Variants in KAZN observed in about 807,000 individuals in gnomAD.
The protein encoded by KAZN is kazrin.
A neutral mutation model predicts 87.4 loss-of-function variants in KAZN; 40 were observed. That is an observed-to-expected ratio of 0.46 (90% CI 0.36 to 0.60). KAZN has a LOEUF of 0.60. KAZN is among the 20% of genes least tolerant of loss of function. The pLI is 0.00. For synonymous variants in KAZN, 466 were observed against 458.3 expected (o/e 1.02, Z -0.22); for missense variants, 898 against 1,073.9 (o/e 0.84, Z 2.29).
intron 2 of KAZN, among the ~76,000 whole-genome samples, chr1:14,202,664 G>A (rs940885258): frequency 2.0e-5 from 3 of 152,162 alleles, no homozygotes; most frequent in African/African-American, 7.2e-5. Context: ...GTGTCAGAAA[G>A]GAGGCAGCTA....
chr1:14,388,087 T>C (rs1023729114), intron 2 of KAZN, among the ~76,000 whole-genome samples: 10 of 152,178 alleles, frequency 6.6e-5, no homozygotes, highest in Non-Finnish European at 1.3e-4. Flanking sequence ...CCAGGTGCCG[T>C]CTGTCACCCC....
chr1:14,099,762 G>A (rs75510121), intron 1 of KAZN, among the ~76,000 whole-genome samples: 13,622 of 152,120 alleles, frequency 0.09, 1,919 homozygotes, highest in African/African-American at 0.3. Flanking sequence ...GCCGCTTTCT[G>A]CTCTAAAAGT....
intron 4 of KAZN, among the ~76,000 whole-genome samples, chr1:15,046,212 C>T (rs569171935): frequency 1.1e-4 from 16 of 149,564 alleles, no homozygotes; most frequent in Admixed American, 4.0e-4. Context: ...ACAGGAGAAT[C>T]GTTTGAACCC....
chr1:15,063,825 G>A (rs1021778285), intron 7 of KAZN, among the ~76,000 whole-genome samples: 3 of 134,660 alleles, frequency 2.2e-5, no homozygotes, highest in African/African-American at 1.2e-4. Flanking sequence ...CATCCATGCC[G>A]CACACCCAAG....
Position 14,598,841 on chromosome 1 carries a change from G to T in KAZN, c.-157G>T. 7.1e-7 allele frequency: 1 copy of T among 1,404,816 alleles called. No individual in the cohort carries two copies. The highest frequency in any genetic ancestry group is 9.2e-7 in the Non-Finnish European group (1 of 1,086,036). The allele number at this position is 1,404,816 out of a possible 1,614,324, so 87.0% of individuals were successfully genotyped here. A position where few individuals can be genotyped will look rare whatever the true frequency, so the allele number is the denominator to read the frequency against. On this transcript the variant is annotated 5_prime_UTR_variant, in exon 1 of 15. Coordinates refer to ENST00000376030, the MANE Select transcript of KAZN (RefSeq NM_201628.3). This position sits in a 1 kb window ranked among gnomAD's most constrained non-coding sequence, Gnocchi z 4.2. ...GAGGCGCCGCTGTCATTCCTGTGCC[G>T]GAGGAACCGGCGCTGCCGGTGCCTG...
At chr1:15,088,516 G>A (rs931624703) in intron 8 of KAZN, among the ~76,000 whole-genome samples, 2 of 152,164 alleles carry the variant, frequency 1.3e-5, no homozygotes, top group African/African-American at 4.8e-5. Flanking sequence ...GACTCCACCA[G>A]GGACTCAGCC....
chr1:14,757,368 G>A (rs1330419605), intron 1 of KAZN, among the ~76,000 whole-genome samples: 4 of 152,150 alleles, frequency 2.6e-5, no homozygotes, highest in Non-Finnish European at 5.9e-5. Flanking sequence ...GAAACCGGAA[G>A]GAAAGATTGG....
intron 1 of KAZN, among the ~76,000 whole-genome samples, chr1:14,778,393 GAAA>G (rs34655175): frequency 7.3e-6 from 1 of 136,406 alleles, no homozygotes; most frequent in African/African-American, 2.7e-5. Context: ...TAACCCTTAA[GAAA>G]AAAAAAAAAA....
chr1:14,906,174 TATTATA>T (rs1485719740), intron 1 of KAZN, among the ~76,000 whole-genome samples: 13,442 of 143,528 alleles, frequency 0.094, 861 homozygotes, highest in Admixed American at 0.19. Context: ...TCAAAAAATA[TATTATA>T]ATAATAATAA....
At chr1:14,817,629 T>C (rs909295153) in intron 1 of KAZN, among the ~76,000 whole-genome samples, 5 of 152,124 alleles carry the variant, frequency 3.3e-5, no homozygotes, top group Admixed American at 1.3e-4. Flanking sequence ...CTGCATATGG[T>C]AGAAAATTTA....
rs1448785333 is a variant in KAZN at position 14,960,891 on chromosome 1, G to A, written c.418+16G>A. On this transcript the variant is annotated intron_variant, in intron 2 of 14. Coordinates refer to ENST00000376030, the MANE Select transcript of KAZN (RefSeq NM_201628.3). ...GCCTTGCAGGGTGAGTGACGAGTCA[G>A]CAGCAGTTCCTTCGCTGGGAGCTCA... 2 of 1,590,384 alleles carry A rather than the reference G, an allele frequency of 1.3e-6. No individual in the cohort carries two copies. Among genetic ancestry groups the A allele is most frequent in the African/African-American group, 1.3e-5 (1 of 74,258 alleles).
intron 1 of KAZN, among the ~76,000 whole-genome samples, chr1:14,792,326 C>T (rs1017467314): frequency 2.0e-5 from 3 of 152,148 alleles, no homozygotes; most frequent in Non-Finnish European, 2.9e-5. Flanking sequence ...TGCAAAAAAC[C>T]CAAATGTCCA....
chr1:14,581,466 T>C (rs1675543203), intron 2 of KAZN, among the ~76,000 whole-genome samples: 1 of 152,208 alleles, frequency 6.6e-6, no homozygotes, highest in Non-Finnish European at 1.5e-5. Flanking sequence ...CTGCTAGATA[T>C]GGCAACAGCT....
At chr1:15,048,975 A>G (rs559667919) in intron 4 of KAZN, among the ~76,000 whole-genome samples, 1 of 152,282 alleles carries the variant, frequency 6.6e-6, no homozygotes, top group East Asian at 1.9e-4. Flanking sequence ...GTCTAATTCC[A>G]GAACAGTTGC....
Position 14,622,925 on chromosome 1 carries a change from A to ATT in KAZN, c.226+23714_226+23715dup, listed in dbSNP as rs5772593. Among the ~76,000 whole-genome samples the ATT allele has an allele frequency of 5.1e-4, 76 of 148,394 alleles. No homozygotes were observed. In the South Asian group the frequency reaches 5.3e-3, roughly 10 times the overall value. On this transcript the variant is annotated intron_variant, in intron 1 of 14. Transcript: ENST00000376030. ...ACTTCTTTGGGTATCAGTGTTCTTA[A>ATT]TTTTTTTTTTTTTGAATTTAAAAGT...
intron 1 of KAZN, among the ~76,000 whole-genome samples, chr1:14,142,635 C>T (rs1645264655): frequency 6.6e-6 from 1 of 152,212 alleles, no homozygotes; most frequent in Non-Finnish European, 1.5e-5. Context: ...TAGCCTTCAG[C>T]ATTGGCTGTT....
At chr1:14,908,389 A>G (rs1656847310) in intron 1 of KAZN, among the ~76,000 whole-genome samples, 1 of 150,506 alleles carries the variant, frequency 6.6e-6, no homozygotes, top group Admixed American at 6.6e-5. Flanking sequence ...AAAAATACAA[A>G]CATTAACCAG....
intron 1 of KAZN, among the ~76,000 whole-genome samples, chr1:13,996,616 C>G (rs1639530499): frequency 6.6e-6 from 1 of 152,234 alleles, no homozygotes; most frequent in Admixed American, 6.5e-5. Context: ...AGGCCTGACT[C>G]TGACTCATCT....
At chr1:14,652,501 A>ACCCACCCACCCATCCCCC in intron 1 of KAZN, among the ~76,000 whole-genome samples, 1 of 76,796 alleles carries the variant, frequency 1.3e-5, no homozygotes, top group African/African-American at 5.8e-5. Context: ...CTATCCACCT[A>ACCCACCCACCCATCCCCC]TCTACCTATC....
Sources: gnomAD v4.1 joint callset for allele counts (sites outside exome capture counted in the v4.1 genomes callset) on GRCh38, gnomAD v4.1.1 for gene constraint, Gnocchi (gnomAD v3.1) non-coding constraint, MANE v1.5 for transcripts, NCBI Gene and HGNC (gene_info 2026-07-23, HGNC 2026-07-21) for gene names.